The following SCUBE1 variants were observed in gnomAD, a reference collection of about 807,000 sequenced individuals.
The protein encoded by SCUBE1 is signal peptide, CUB and EGF-like domain-containing protein 1.
In SCUBE1, 59 loss-of-function variants were observed where a neutral mutation model predicts 124.4. That is an observed-to-expected ratio of 0.47 (90% CI 0.38 to 0.59). The LOEUF is 0.59. Among genes scored for constraint, SCUBE1 ranks in the 20% least tolerant of loss-of-function variants. The pLI is 0.00. For missense variants in SCUBE1, 1,150 were observed against 1,371.2 expected, an observed-to-expected ratio of 0.84 and a Z score of 2.55; for synonymous variants, 545 against 550.9, an observed-to-expected ratio of 0.99 and a Z score of 0.15.
intron 10 of SCUBE1, among the ~76,000 whole-genome samples, chr22:43,224,866 C>T (rs925566172): frequency 6.6e-6 from 1 of 152,138 alleles, no homozygotes; most frequent in Non-Finnish European, 1.5e-5. Flanking sequence ...CTCCTGCAGC[C>T]TTATGAATTT....
At chr22:43,315,822 A>G (rs1926327860) in intron 3 of SCUBE1, among the ~76,000 whole-genome samples, 1 of 152,180 alleles carries the variant, frequency 6.6e-6, no homozygotes, top group Admixed American at 6.5e-5. Flanking sequence ...TGTGAAAACA[A>G]TGTTGTTGAG....
intron 8 of SCUBE1, among the ~76,000 whole-genome samples, chr22:43,231,154 C>T (rs985896494): frequency 6.6e-6 from 1 of 152,230 alleles, no homozygotes; most frequent in African/African-American, 2.4e-5. Flanking sequence ...GCAGCGCCAT[C>T]TCCTGGGTGG....
chr22:43,219,514 G>A (rs958475685), intron 14 of SCUBE1, among the ~76,000 whole-genome samples: 2 of 145,654 alleles, frequency 1.4e-5, no homozygotes, highest in Non-Finnish European at 3.0e-5. Flanking sequence ...CTCACTCGTC[G>A]CCAGGCTGGA....
intron 3 of SCUBE1, among the ~76,000 whole-genome samples, chr22:43,307,925 G>T (rs899696129): frequency 6.6e-6 from 1 of 151,544 alleles, no homozygotes; most frequent in South Asian, 2.1e-4. Flanking sequence ...CACTGATTCT[G>T]CCCTGATTGC....
In SCUBE1 at chr22:43,212,320, G is replaced by C. The variant is rs1921598610; in HGVS notation, c.2221+105C>G. 7.8e-6 allele frequency: 10 copies of C among 1,285,738 alleles called. No homozygotes were observed. In the South Asian group the frequency reaches 1.3e-4, roughly 17 times the overall value. The allele number at this position is 1,285,738 out of a possible 1,614,324, so 79.6% of individuals were successfully genotyped here. A position where few individuals can be genotyped will look rare whatever the true frequency, so the allele number is the denominator to read the frequency against. On this transcript the variant is annotated intron_variant, in intron 17 of 21. Transcript: ENST00000360835. ...GCTCCAGGCTCCTCCTCTGAGCTGG[G>C]AGGTTCGCCACATGGAGGAGATGAG...
intron 2 of SCUBE1, among the ~76,000 whole-genome samples, chr22:43,331,192 A>G (rs1364788441): frequency 1.3e-5 from 2 of 152,218 alleles, no homozygotes; most frequent in Non-Finnish European, 2.9e-5. Flanking sequence ...TCTGTAATCT[A>G]CCTAACTTCA....
At chr22:43,312,781 G>T (rs528529039) in intron 3 of SCUBE1, among the ~76,000 whole-genome samples, 3 of 152,182 alleles carry the variant, frequency 2.0e-5, no homozygotes, top group Admixed American at 6.5e-5. Flanking sequence ...GGCCTGGCAC[G>T]TGCTGGGATT....
chr22:43,262,870 C>T (rs143444690), intron 4 of SCUBE1, 25 bp from the exon 5 acceptor site: 80 of 1,600,400 alleles, frequency 5.0e-5, no homozygotes, highest in Admixed American at 1.8e-4. Context: ...AGACAAGAGA[C>T]GGGTTGAAGA....
chr22:43,199,005 C>G lies in SCUBE1; in HGVS notation c.*4992G>C. ...GGCAACGTGTCTGTCTGTCTGCTGT[C>G]CGGGGCAGTGTGTCTGTTTGTCTCT... On this transcript the variant is annotated 3_prime_UTR_variant, in exon 22 of 22. Coordinates refer to ENST00000360835, the MANE Select transcript of SCUBE1 (RefSeq NM_173050.5). The G allele has an allele frequency of 2.8e-6, 1 of 356,792 alleles. No individual in the cohort carries two copies. The highest frequency in any genetic ancestry group is 2.1e-5 in the South Asian group (1 of 47,876). The allele number at this position is 356,792 out of a possible 1,614,324, so 22.1% of individuals were successfully genotyped here.
At chr22:43,308,721 G>T (rs1320530155) in intron 3 of SCUBE1, among the ~76,000 whole-genome samples, 1 of 152,216 alleles carries the variant, frequency 6.6e-6, no homozygotes, top group Non-Finnish European at 1.5e-5. Context: ...CCAGGGTGCA[G>T]CTGGGCTCCA....
chr22:43,227,632 CA>C, intron 9 of SCUBE1, 136 bp from the exon 10 acceptor site: 1 of 1,098,758 alleles, frequency 9.1e-7, no homozygotes, highest in Non-Finnish European at 1.3e-6. Context: ...TGCAGATGAG[CA>C]GTGCACACGC....
chr22:43,291,001 C>G lies in SCUBE1; in HGVS notation c.484+45G>C, dbSNP rs117888057. 2.6e-6 allele frequency: 4 copies of G among 1,524,786 alleles called. No individual in the cohort carries two copies. The South Asian group carries it at 3.7e-5, about 14-fold the overall frequency. The allele number at this position is 1,524,786 out of a possible 1,614,324, so 94.5% of individuals were successfully genotyped here. On this transcript the variant is annotated intron_variant, in intron 4 of 21. Transcript: ENST00000360835. ...TGGAGAAGGGGACTCTGGGGGCTGCCCATCCTGGGGGGGGACATGCCTGGT... is the reference window on the plus strand; with the variant it reads ...TGGAGAAGGGGACTCTGGGGGCTGCGCATCCTGGGGGGGGACATGCCTGGT...
intron 4 of SCUBE1, among the ~76,000 whole-genome samples, chr22:43,276,826 C>T (rs1924541332): frequency 6.6e-6 from 1 of 152,222 alleles, no homozygotes; most frequent in African/African-American, 2.4e-5. Flanking sequence ...GTTTCCAGGG[C>T]CTCTGCTACT....
chr22:43,319,610 T>C (rs966742003), intron 3 of SCUBE1, among the ~76,000 whole-genome samples: 14 of 132,386 alleles, frequency 1.1e-4, no homozygotes, highest in Admixed American at 3.0e-4. Flanking sequence ...AGAGAGACAC[T>C]AGACACTTGC....
At chr22:43,250,289 A>C (rs1923389615) in intron 6 of SCUBE1, among the ~76,000 whole-genome samples, 1 of 152,188 alleles carries the variant, frequency 6.6e-6, no homozygotes, top group Non-Finnish European at 1.5e-5. Context: ...GTGTCTGCTG[A>C]TCAAGGGAGT....
At position 43,255,101 on chromosome 22, in the gene SCUBE1, CCTAA is replaced by C. The variant is rs1923604885; in HGVS notation, c.727+3114_727+3117del. 6.6e-6 allele frequency among the ~76,000 whole-genome samples: 1 copy of C among 152,204 alleles called. No individual in the cohort carries two copies. Among genetic ancestry groups the C allele is most frequent in the African/African-American group, 2.4e-5 (1 of 41,440 alleles). On this transcript the variant is annotated intron_variant, in intron 6 of 21. Transcript: ENST00000360835. The surrounding 1 kb of genome is among the most constrained non-coding windows in gnomAD (Gnocchi z 4.7). ...GTGCTGCTTTGCTGAGCCTGGGAAT[CCTAA>C]CTGTGAATGTGGGTGTTCACGCAAG...
intron 2 of SCUBE1, among the ~76,000 whole-genome samples, chr22:43,332,436 G>A (rs1926932064): frequency 6.6e-6 from 1 of 152,196 alleles, no homozygotes; most frequent in African/African-American, 2.4e-5. Flanking sequence ...CAGCAAGGGA[G>A]CGAGTCCGTG....
At chr22:43,239,019 G>A (rs1026753135) in intron 6 of SCUBE1, 65 bp from the exon 7 acceptor site, 50 of 1,312,696 alleles carry the variant, frequency 3.8e-5, no homozygotes, top group East Asian at 7.0e-5. Flanking sequence ...TTCCCCTTCC[G>A]TGGAAAGATC....
chr22:43,293,498 T>C (rs1164200973), intron 3 of SCUBE1, among the ~76,000 whole-genome samples: 1 of 152,214 alleles, frequency 6.6e-6, no homozygotes, highest in African/African-American at 2.4e-5. Context: ...AGCCGGCTGC[T>C]CCTCACACGA....
Sources: gnomAD v4.1 joint callset for allele counts (sites outside exome capture counted in the v4.1 genomes callset) on GRCh38, gnomAD v4.1.1 for gene constraint, Gnocchi (gnomAD v3.1) non-coding constraint, MANE v1.5 for transcripts, NCBI Gene and HGNC (gene_info 2026-07-23, HGNC 2026-07-21) for gene names.